RNF217: variants seen among roughly 807,000 people sequenced by gnomAD.
RNF217 encodes the protein ring finger protein 217.
RNF217 carries 31 observed loss-of-function variants against 57.8 expected under a neutral mutation model. The observed-to-expected ratio is 0.54, with a 90% CI of 0.40 to 0.72. RNF217 has a LOEUF of 0.72. Ranked by LOEUF, RNF217 falls within the 30% of genes least tolerant of loss-of-function variation. RNF217 has a pLI of 0.00. For synonymous variants in RNF217, 313 were observed against 294.0 expected, an observed-to-expected ratio of 1.06 and a Z score of -0.66; for missense variants, 696 against 708.3, an observed-to-expected ratio of 0.98 and a Z score of 0.20.
chr6:125,027,294 C>T (rs2759264), intron 1 of RNF217, among the ~76,000 whole-genome samples: 96,857 of 151,724 alleles, frequency 0.64, 32,462 homozygotes, highest in East Asian at 0.87. Flanking sequence ...CCTACCTCCC[C>T]GCCAATGCCC....
At chr6:125,008,084 G>A (rs535327607) in intron 1 of RNF217, among the ~76,000 whole-genome samples, 3 of 151,988 alleles carry the variant, frequency 2.0e-5, no homozygotes, top group South Asian at 2.1e-4. Flanking sequence ...GTGAAACCCC[G>A]TCTCTACTAA....
intron 1 of RNF217, among the ~76,000 whole-genome samples, chr6:124,966,949 T>G (rs1445325769): frequency 6.6e-6 from 1 of 152,244 alleles, no homozygotes; most frequent in Non-Finnish European, 1.5e-5. Flanking sequence ...TTGCCATGAC[T>G]GTGGCTAGGC....
intron 1 of RNF217, among the ~76,000 whole-genome samples, chr6:124,967,603 C>G (rs1449626786): frequency 3.3e-5 from 5 of 152,076 alleles, no homozygotes; most frequent in African/African-American, 1.2e-4. Flanking sequence ...TTAATAGATA[C>G]AAGCAACACA....
intron 3 of RNF217, among the ~76,000 whole-genome samples, chr6:125,066,442 G>A (rs1171759293): frequency 1.3e-5 from 2 of 152,094 alleles, no homozygotes; most frequent in East Asian, 3.9e-4. Flanking sequence ...TGCTGGCTGT[G>A]CTTCGAAACT....
chr6:125,082,853 CTTA>C lies in RNF217; in HGVS notation c.1556-9_1556-7del. 39 of 1,581,936 alleles carry C rather than the reference CTTA, an allele frequency of 2.5e-5. No individual in the cohort carries two copies. Among genetic ancestry groups the C allele is most frequent in the Non-Finnish European group, 3.3e-5 (38 of 1,162,228 alleles). On this transcript the variant is annotated splice_polypyrimidine_tract_variant and splice_region_variant and intron_variant, in intron 5 of 5. Coordinates refer to ENST00000521654, the MANE Select transcript of RNF217 (RefSeq NM_001286398.3). ...TCATCCTAACTAACTTTAATTTTTT[CTTA>C]TCCCTAGGTTTATTTGTATTTCCTA...
Position 125,081,507 on chromosome 6 carries a change from G to T in RNF217, c.1555G>T (p.Gly519Cys), listed in dbSNP as rs776407828. ...LALGAIAVVI[G>C]LFVFPIYCLC... ...ACTAGGGGCCATAGCGGTTGTAATC[G>T]GTAAGAAACACTTCATGCATCTGAG... The change falls in exon 5 of 6, where the codon GGT (glycine) becomes TGT (cysteine). Residue 519 changes from glycine (G) to cysteine (C), a missense_variant and splice_region_variant. Coordinates refer to ENST00000521654, the MANE Select transcript of RNF217 (RefSeq NM_001286398.3). 1.2e-6 allele frequency: 2 copies of T among 1,607,230 alleles called. No homozygotes were observed. The highest frequency in any genetic ancestry group is 1.1e-5 in the South Asian group (1 of 90,766).
intron 1 of RNF217, among the ~76,000 whole-genome samples, chr6:124,977,210 A>G (rs928254136): frequency 3.9e-5 from 6 of 152,224 alleles, no homozygotes; most frequent in African/African-American, 1.4e-4. Flanking sequence ...AACATCAGGG[A>G]AAGTACAAAT....
chr6:124,999,485 G>A (rs534602970), intron 1 of RNF217, among the ~76,000 whole-genome samples: 2 of 151,170 alleles, frequency 1.3e-5, no homozygotes, highest in Non-Finnish European at 2.9e-5. Context: ...TTAAAATTGT[G>A]GTTCAAACTC....
rs1280962882 is a variant in RNF217, at chr6:125,090,792, T to C, written c.*7855T>C. The C allele has an allele frequency of 6.6e-6, 1 of 151,920 alleles. No homozygotes were observed. The highest frequency in any genetic ancestry group is 2.4e-5 in the African/African-American group (1 of 41,442). The allele number at this position is 151,920 out of a possible 1,614,324, so 9.4% of individuals were successfully genotyped here. On this transcript the variant is annotated 3_prime_UTR_variant, in exon 6 of 6. Coordinates refer to ENST00000521654, the MANE Select transcript of RNF217 (RefSeq NM_001286398.3). ...TGGACCGGGTTGAAAAGAGATTTCA[T>C]TGATTCTTTTTAATGATATTGGAAA...
intron 2 of RNF217, among the ~76,000 whole-genome samples, chr6:125,053,481 C>A (rs1787405683): frequency 6.6e-6 from 1 of 152,042 alleles, no homozygotes; most frequent in Non-Finnish European, 1.5e-5. Context: ...CTACTTTACA[C>A]ATGGATGTTG....
intron 5 of RNF217, among the ~76,000 whole-genome samples, chr6:125,082,027 G>A (rs1033803434): frequency 1.3e-5 from 2 of 152,090 alleles, no homozygotes; most frequent in African/African-American, 4.8e-5. Context: ...ATATTAAAAT[G>A]TGTATTTTAA....
chr6:124,962,602 C>A lies in RNF217; in HGVS notation c.58C>A (p.Leu20Met). Residue 20 changes from leucine (L) to methionine (M), a missense_variant, in exon 1 of 6, where the codon CTG becomes ATG. Physicochemically the swap from Leu to Met is conservative, Grantham distance 15. Around this residue, in one of 2 missense-constraint regions of RNF217, gnomAD observed 465 missense variants for 386.8 expected, o/e 1.20. Transcript: ENST00000521654. The surrounding 1 kb of genome is among the most constrained non-coding windows in gnomAD (Gnocchi z 4.6). Reference protein sequence around the residue: ...GGGGPQESQTLASGTAGHPEP... With the variant: ...GGGGPQESQTMASGTAGHPEP... ...CGGCGGGCCCCAGGAGTCGCAGACC[C>A]TGGCCAGTGGCACTGCGGGCCACCC... The A allele has an allele frequency of 7.6e-7, 1 of 1,308,996 alleles. No individual in the cohort carries two copies. Among genetic ancestry groups the A allele is most frequent in the Non-Finnish European group, 9.6e-7 (1 of 1,036,706 alleles). 81.1% of individuals were successfully genotyped at this position (1,308,996 alleles called of 1,614,324 possible).
chr6:124,992,566 T>G (rs9372803), intron 1 of RNF217, among the ~76,000 whole-genome samples: 36,645 of 152,056 alleles, frequency 0.24, 4,808 homozygotes, highest in East Asian at 0.4. Context: ...AATAAAAGTT[T>G]AGAATAGTGA....
chr6:124,998,529 G>A (rs1582689316), intron 1 of RNF217, among the ~76,000 whole-genome samples: 1 of 152,116 alleles, frequency 6.6e-6, no homozygotes, highest in Non-Finnish European at 1.5e-5. Flanking sequence ...GCCAGGTGCC[G>A]TGGCTCAAAC....
rs957587527 is a variant in RNF217 at position 125,089,560 on chromosome 6, G to A, written c.*6623G>A. 2.6e-5 allele frequency: 4 copies of A among 152,090 alleles called. No homozygotes were observed. Among genetic ancestry groups the A allele is most frequent in the African/African-American group, 9.7e-5 (4 of 41,408 alleles). 9.4% of individuals were successfully genotyped at this position (152,090 alleles called of 1,614,324 possible). A position where few individuals can be genotyped will look rare whatever the true frequency, so the allele number is the denominator to read the frequency against. On this transcript the variant is annotated 3_prime_UTR_variant, in exon 6 of 6. Coordinates refer to ENST00000521654, the MANE Select transcript of RNF217 (RefSeq NM_001286398.3). ...TAACCCTATTCTAGAGAAAACATTTGTCATTTGCAAGTGTTTGACTTTTTT... is the reference window on the plus strand; with the variant it reads ...TAACCCTATTCTAGAGAAAACATTTATCATTTGCAAGTGTTTGACTTTTTT...
chr6:125,031,848 T>C (rs1469295202), intron 1 of RNF217, among the ~76,000 whole-genome samples: 1 of 152,168 alleles, frequency 6.6e-6, no homozygotes, highest in Non-Finnish European at 1.5e-5. Flanking sequence ...CCCACTCTAC[T>C]GGTACCAATT....
Position 124,962,798 on chromosome 6 carries a change from C to T in RNF217, c.254C>T (p.Ala85Val), listed in dbSNP as rs758684992. The change falls in exon 1 of 6, where the codon GCG becomes GTG. Residue 85 changes from alanine (A) to valine (V), a missense_variant. Ala to Val is a moderately conservative substitution (Grantham distance 64). Transcript: ENST00000521654. This position sits in a 1 kb window ranked among gnomAD's most constrained non-coding sequence, Gnocchi z 4.6. ...PPGWSKSRAP[A>V]QPAGLALTGP... Reference sequence around the variant, plus strand: ...GGCTGGAGTAAGAGCCGAGCACCGGCGCAGCCTGCGGGACTGGCACTCACC... The same window carrying T: ...GGCTGGAGTAAGAGCCGAGCACCGGTGCAGCCTGCGGGACTGGCACTCACC... 9 of 1,597,246 alleles carry T rather than the reference C, an allele frequency of 5.6e-6. No homozygotes were observed. The African/African-American group carries it at 9.3e-5, about 17-fold the overall frequency.
intron 1 of RNF217, among the ~76,000 whole-genome samples, chr6:125,014,087 T>C (rs1016633790): frequency 1.3e-5 from 2 of 152,226 alleles, no homozygotes; most frequent in Admixed American, 6.5e-5. Flanking sequence ...TGTACACACA[T>C]ACAGAGGATG....
At chr6:125,040,649 C>T (rs1446718669) in intron 1 of RNF217, among the ~76,000 whole-genome samples, 1 of 152,062 alleles carries the variant, frequency 6.6e-6, no homozygotes, top group African/African-American at 2.4e-5. Flanking sequence ...AAGAAAACTT[C>T]AGGCCAAAAT....
Sources: gnomAD v4.1 joint callset for allele counts (sites outside exome capture counted in the v4.1 genomes callset) on GRCh38, gnomAD v4.1.1 for gene constraint, gnomAD v4.1.1 regional missense constraint, Gnocchi (gnomAD v3.1) non-coding constraint, MANE v1.5 for transcripts, NCBI Gene and HGNC (gene_info 2026-07-23, HGNC 2026-07-21) for gene names.